RNF150: variants seen among roughly 807,000 people sequenced by gnomAD.
The protein encoded by RNF150 is ring finger protein 150.
RNF150 carries 24 observed loss-of-function variants against 39.3 expected under a neutral mutation model. That is an observed-to-expected ratio of 0.61 (90% CI 0.44 to 0.86). The LOEUF is 0.86. Among genes scored for constraint, RNF150 ranks in the 40% least tolerant of loss-of-function variants. RNF150 has a pLI of 0.00. For missense variants in RNF150, 502 were observed against 587.8 expected, an observed-to-expected ratio of 0.85 and a Z score of 1.51; for synonymous variants, 255 against 227.3, an observed-to-expected ratio of 1.12 and a Z score of -1.10.
At chr4:141,058,216 G>T (rs1355879940) in intron 1 of RNF150, among the ~76,000 whole-genome samples, 1 of 151,694 alleles carries the variant, frequency 6.6e-6, no homozygotes, top group Non-Finnish European at 1.5e-5. Flanking sequence ...TTATAAGACT[G>T]CTATATACAC....
At chr4:140,922,824 C>A (rs1731215354) in intron 5 of RNF150, among the ~76,000 whole-genome samples, 1 of 151,148 alleles carries the variant, frequency 6.6e-6, no homozygotes, top group Non-Finnish European at 1.5e-5. Flanking sequence ...CGCATATCTA[C>A]AACTATCTGA....
chr4:141,067,006 A>G (rs1323030807), intron 1 of RNF150, among the ~76,000 whole-genome samples: 1 of 152,184 alleles, frequency 6.6e-6, no homozygotes, highest in East Asian at 1.9e-4. Flanking sequence ...AATGTAGCCA[A>G]TTATAACACA....
At chr4:140,983,415 T>A (rs538135462) in intron 1 of RNF150, among the ~76,000 whole-genome samples, 11 of 152,272 alleles carry the variant, frequency 7.2e-5, no homozygotes, top group African/African-American at 2.6e-4. Flanking sequence ...TAAGCATAAA[T>A]TTGTCTTCCT....
chr4:141,061,862 G>C (rs4245938), intron 1 of RNF150, among the ~76,000 whole-genome samples: 89,594 of 151,946 alleles, frequency 0.59, 27,641 homozygotes, highest in South Asian at 0.71. Context: ...GAATTAAGTA[G>C]GTCCTACCTC....
intron 6 of RNF150, among the ~76,000 whole-genome samples, chr4:140,877,316 T>G (rs1265665725): frequency 9.0e-6 from 1 of 110,706 alleles, no homozygotes; most frequent in African/African-American, 3.5e-5. Flanking sequence ...TTGTCAACAG[T>G]TTTTTTTTAC....
At chr4:141,197,046 C>CA (rs377327063) in intron 1 of RNF150, among the ~76,000 whole-genome samples, 3 of 151,148 alleles carry the variant, frequency 2.0e-5, no homozygotes, top group Admixed American at 6.6e-5. Flanking sequence ...AATTTTGTCC[C>CA]AAAAAAAAGT....
At position 141,198,322 on chromosome 4, in the gene RNF150, C is replaced by T. The variant is rs113535661; in HGVS notation, c.-6+14472G>A. Among the ~76,000 whole-genome samples the T allele has an allele frequency of 2.8e-3, 422 of 152,304 alleles. 2 individuals carry two copies. Among genetic ancestry groups the T allele is most frequent in the African/African-American group, 9.4e-3 (391 of 41,582 alleles). On this transcript the variant is annotated intron_variant, in intron 1 of 7. Coordinates refer to the RNF150 transcript ENST00000420921. ...GATTACAGCCATGAGCCACCATGCC[C>T]AGCCTAGACCACTCTTCTTTATTTG...
intron 1 of RNF150, among the ~76,000 whole-genome samples, chr4:140,992,004 C>G (rs1455654313): frequency 6.6e-6 from 1 of 152,054 alleles, no homozygotes; most frequent in Non-Finnish European, 1.5e-5. Context: ...AAGGATGAGA[C>G]TTTACTAATA....
At chr4:140,886,751 C>T (rs1389102579) in intron 6 of RNF150, among the ~76,000 whole-genome samples, 1 of 152,166 alleles carries the variant, frequency 6.6e-6, no homozygotes, top group Non-Finnish European at 1.5e-5. Flanking sequence ...TCCCTGGTAG[C>T]TGGGACTACA....
chr4:140,897,549 C>T (rs1730009411), intron 6 of RNF150, among the ~76,000 whole-genome samples: 1 of 152,118 alleles, frequency 6.6e-6, no homozygotes, highest in African/African-American at 2.4e-5. Context: ...ATGAGAGTGA[C>T]AAGAGTTTTC....
At chr4:141,135,993 A>G (rs1727021464), upstream of RNF150, among the ~76,000 whole-genome samples, 1 of 152,224 alleles carries the variant, frequency 6.6e-6, no homozygotes, top group Non-Finnish European at 1.5e-5. Context: ...GAAACAATGG[A>G]TAAACCCAGG....
chr4:141,129,483 G>A (rs1374530139), intron 1 of RNF150, among the ~76,000 whole-genome samples: 1 of 152,196 alleles, frequency 6.6e-6, no homozygotes, highest in Non-Finnish European at 1.5e-5. Context: ...GAGTGACTAG[G>A]AGTTGGGGAA....
At chr4:140,986,707 T>C (rs2111468873) in intron 1 of RNF150, among the ~76,000 whole-genome samples, 1 of 152,210 alleles carries the variant, frequency 6.6e-6, no homozygotes, top group Admixed American at 6.6e-5. Context: ...GGCACATCAA[T>C]AGTCCTTCTA....
chr4:140,936,928 G>T (rs1377810310), intron 4 of RNF150, among the ~76,000 whole-genome samples: 1 of 152,128 alleles, frequency 6.6e-6, no homozygotes. Flanking sequence ...AGATGAGAAA[G>T]ATGCTTTAAA....
chr4:141,002,042 T>C lies in RNF150; in HGVS notation c.485-34169A>G, dbSNP rs77388492. 4.9e-3 allele frequency among the ~76,000 whole-genome samples: 752 copies of C among 152,276 alleles called. 4 individuals are homozygous for C. The highest frequency in any genetic ancestry group is 0.01 in the Middle Eastern group (3 of 292). On this transcript the variant is annotated intron_variant, in intron 1 of 6. Transcript: ENST00000515673. ...GTATGTATATATGTATATGTATCTA[T>C]GTATATTTATAATATTGGTCCACAT...
At chr4:141,203,057 T>A (rs893466831) in intron 1 of RNF150, among the ~76,000 whole-genome samples, 7 of 120,202 alleles carry the variant, frequency 5.8e-5, no homozygotes, top group Non-Finnish European at 1.0e-4. Flanking sequence ...CTTGGAGATT[T>A]TATATATATA....
chr4:141,030,172 C>T (rs540694562), intron 1 of RNF150, among the ~76,000 whole-genome samples: 27 of 150,286 alleles, frequency 1.8e-4, no homozygotes, highest in East Asian at 1.2e-3. Flanking sequence ...CCAGCCTGGG[C>T]GACAAAGTGA....
chr4:141,184,483 C>G (rs1727966857), intron 1 of RNF150, among the ~76,000 whole-genome samples: 2 of 152,146 alleles, frequency 1.3e-5, no homozygotes, highest in Admixed American at 6.5e-5. Context: ...GTTTCTTTTG[C>G]TGTGCAGAAG....
Position 140,925,984 on chromosome 4 carries a change from C to T in RNF150, c.980G>A (p.Gly327Glu), listed in dbSNP as rs138798286. ...AGGCTGTGCTGTGCTTACCGGGATCCCTAGGGCTTTAAGAATGTTCATCTT... is the reference window on the plus strand; with the variant it reads ...AGGCTGTGCTGTGCTTACCGGGATCTCTAGGGCTTTAAGAATGTTCATCTT... ...MCKMNILKAL[G>E]IPPNADCMDD... Residue 327 changes from glycine (G) to glutamate (E), a missense_variant, in exon 5 of 7, where the codon GGG becomes GAG. Transcript: ENST00000515673. 1 of 1,610,900 alleles carries T rather than the reference C, an allele frequency of 6.2e-7. No individual in the cohort carries two copies. The highest frequency in any genetic ancestry group is 8.5e-7 in the Non-Finnish European group (1 of 1,177,050).
Sources: gnomAD v4.1 joint callset for allele counts (sites outside exome capture counted in the v4.1 genomes callset) on GRCh38, gnomAD v4.1.1 for gene constraint, MANE v1.5 for transcripts, NCBI Gene and HGNC (gene_info 2026-07-23, HGNC 2026-07-21) for gene names.